CHD7: variants seen among roughly 807,000 people sequenced by gnomAD.
CHD7 encodes chromodomain helicase DNA binding protein 7, also known as ATP-dependent chromatin remodeler CHD7.
In CHD7, 24 loss-of-function variants were observed where a neutral mutation model predicts 307.3. That is an observed-to-expected ratio of 0.08 (90% CI 0.06 to 0.11). The LOEUF (loss-of-function observed/expected upper bound fraction) is 0.11, where lower values mean the gene tolerates loss of function less well. Among genes scored for constraint, CHD7 ranks in the 10% least tolerant of loss-of-function variants. The probability of loss-of-function intolerance (pLI) is 1.00; values close to 1 mark genes in which losing one functional copy is unlikely to be tolerated. For synonymous variants in CHD7, 1,363 were observed against 1,349.9 expected (o/e 1.01, Z -0.21); for missense variants, 3,106 against 3,727.1 (o/e 0.83, Z 4.34).
chr8:60,803,935 C>T (rs775439483), intron 6 of CHD7, among the ~76,000 whole-genome samples: 7 of 152,170 alleles, frequency 4.6e-5, no homozygotes, highest in Non-Finnish European at 1.0e-4. Flanking sequence ...CCAGGCAGCA[C>T]TGTAGAAACT....
At chr8:60,815,014 T>C (rs1302288956) in intron 7 of CHD7, among the ~76,000 whole-genome samples, 1 of 152,250 alleles carries the variant, frequency 6.6e-6, no homozygotes, top group African/African-American at 2.4e-5. Flanking sequence ...ATTTTGAATT[T>C]CAGATTTTCA....
At chr8:60,712,969 TG>T (rs1209831674) in intron 1 of CHD7, among the ~76,000 whole-genome samples, 1 of 146,456 alleles carries the variant, frequency 6.8e-6, no homozygotes, top group Non-Finnish European at 1.5e-5. Context: ...GAGAATCGCT[TG>T]AACCCTGGAG....
At chr8:60,834,547 C>T (rs1005393778) in intron 15 of CHD7, among the ~76,000 whole-genome samples, 3 of 152,098 alleles carry the variant, frequency 2.0e-5, no homozygotes, top group African/African-American at 4.8e-5. Flanking sequence ...TTGCTAGTGC[C>T]CTTAAACAGC....
intron 4 of CHD7, among the ~76,000 whole-genome samples, chr8:60,798,221 C>T (rs1812120453): frequency 6.6e-6 from 1 of 152,204 alleles, no homozygotes; most frequent in African/African-American, 2.4e-5. Context: ...GTTTCCTCCA[C>T]CTGGGATTGA....
intron 3 of CHD7, among the ~76,000 whole-genome samples, chr8:60,790,844 G>A (rs1811741456): frequency 6.6e-6 from 1 of 152,146 alleles, no homozygotes; most frequent in Non-Finnish European, 1.5e-5. Context: ...CTTGTATGGG[G>A]TACATCATGT....
At chr8:60,817,801 G>A (rs964794401) in intron 8 of CHD7, among the ~76,000 whole-genome samples, 4 of 152,148 alleles carry the variant, frequency 2.6e-5, no homozygotes, top group Non-Finnish European at 5.9e-5. Context: ...GACATTGGAT[G>A]AGCTGAAATC....
At chr8:60,688,282 G>T (rs1423904904) in intron 1 of CHD7, among the ~76,000 whole-genome samples, 1 of 152,082 alleles carries the variant, frequency 6.6e-6, no homozygotes. Flanking sequence ...CAGGGTTATG[G>T]TGAAGGTTAA....
Position 60,854,502 on chromosome 8 carries a change from T to C in CHD7, c.6915T>C (p.Phe2305=). The C allele has an allele frequency of 6.2e-7, 1 of 1,602,570 alleles. No individual in the cohort carries two copies. Among genetic ancestry groups the C allele is most frequent in the Non-Finnish European group, 8.5e-7 (1 of 1,171,314 alleles). ...CTCAGCTCCTTCATGAAAGAACATT[T>C]GCCTTCTCGTTTTGGCCTAAGGTTG... The part of the protein sequence containing the change: ...SVAQLLHERT[F]AFSFWPKDRV... Residue 2305 remains phenylalanine (F), a synonymous_variant, in exon 32 of 38, where the codon TTT becomes TTC. Coordinates refer to ENST00000423902, the MANE Select transcript of CHD7 (RefSeq NM_017780.4).
chr8:60,795,700 T>C (rs997359818), intron 4 of CHD7, among the ~76,000 whole-genome samples: 3 of 152,164 alleles, frequency 2.0e-5, no homozygotes, highest in Non-Finnish European at 4.4e-5. Context: ...TAGGAATGAG[T>C]TGAAATGCTA....
intron 31 of CHD7, among the ~76,000 whole-genome samples, chr8:60,853,722 C>T (rs1263928146): frequency 6.6e-6 from 1 of 152,222 alleles, no homozygotes; most frequent in African/African-American, 2.4e-5. Context: ...AGAAGGGTTG[C>T]ATGGACACAT....
At chr8:60,683,980 G>C (rs1256649999) in intron 1 of CHD7, among the ~76,000 whole-genome samples, 1 of 151,522 alleles carries the variant, frequency 6.6e-6, no homozygotes, top group African/African-American at 2.4e-5. Flanking sequence ...TTTGACAACT[G>C]TTTTCACTTT....
At chr8:60,700,871 CAG>C (rs541923903) in intron 1 of CHD7, among the ~76,000 whole-genome samples, 6 of 152,336 alleles carry the variant, frequency 3.9e-5, no homozygotes, top group East Asian at 1.9e-4. Flanking sequence ...AGTGAGACGT[CAG>C]GGGTACAGCT....
At chr8:60,753,163 G>C (rs1441606264) in intron 2 of CHD7, among the ~76,000 whole-genome samples, 1 of 152,212 alleles carries the variant, frequency 6.6e-6, no homozygotes, top group Non-Finnish European at 1.5e-5. Flanking sequence ...TTTTATTTAA[G>C]TAAGATGCTA....
At chr8:60,831,876 G>A (rs557691183) in intron 15 of CHD7, among the ~76,000 whole-genome samples, 2 of 152,088 alleles carry the variant, frequency 1.3e-5, no homozygotes, top group Admixed American at 6.5e-5. Flanking sequence ...TTTTAATAAC[G>A]TGTAACTCAT....
chr8:60,719,931 T>A (rs1807815733), intron 1 of CHD7, among the ~76,000 whole-genome samples: 1 of 152,190 alleles, frequency 6.6e-6, no homozygotes, highest in East Asian at 1.9e-4. Flanking sequence ...GTAAGTATGC[T>A]TATTCCAAAA....
chr8:60,793,236 G>A (rs1284433853), intron 3 of CHD7, among the ~76,000 whole-genome samples: 2 of 151,954 alleles, frequency 1.3e-5, no homozygotes, highest in African/African-American at 4.8e-5. Context: ...GATGAGGAAC[G>A]GTTGTATGGA....
At chr8:60,861,150 G>A (rs774646219) in intron 35 of CHD7, 25 bp downstream of exon 35, 4 of 1,533,036 alleles carry the variant, frequency 2.6e-6, no homozygotes, top group Non-Finnish European at 3.5e-6. Context: ...GTTTAGAGTT[G>A]GAAGGAATCT....
chr8:60,769,809 A>G (rs961243945), intron 2 of CHD7, among the ~76,000 whole-genome samples: 2 of 152,132 alleles, frequency 1.3e-5, no homozygotes. Context: ...TTCTGTCCCT[A>G]TTTGACACAT....
chr8:60,780,780 T>A (rs1412427467), intron 2 of CHD7, among the ~76,000 whole-genome samples: 2 of 152,240 alleles, frequency 1.3e-5, no homozygotes, highest in African/African-American at 4.8e-5. Flanking sequence ...CTGTATTAAC[T>A]AAAGTGCTAT....
Sources: allele counts gnomAD v4.1 joint callset (sites outside exome capture counted in the v4.1 genomes callset), GRCh38; gene constraint gnomAD v4.1.1; transcripts MANE v1.5; gene names NCBI Gene and HGNC (gene_info 2026-07-23, HGNC 2026-07-21).